Variants in HHIPL1 observed in about 807,000 individuals in gnomAD.
The protein encoded by HHIPL1 is HHIP like 1.
In HHIPL1, 43 loss-of-function variants were observed where a neutral mutation model predicts 61.8. That is an observed-to-expected ratio of 0.70 (90% CI 0.55 to 0.90). The LOEUF (loss-of-function observed/expected upper bound fraction) is 0.90. Among genes scored for constraint, HHIPL1 ranks in the 40% least tolerant of loss-of-function variants. The pLI, the probability that HHIPL1 is intolerant of heterozygous loss-of-function variation, is 0.00. For missense variants in HHIPL1, 1,056 were observed against 1,157.7 expected, an observed-to-expected ratio of 0.91 and a Z score of 1.28; for synonymous variants, 482 against 515.8, an observed-to-expected ratio of 0.93 and a Z score of 0.89.
In HHIPL1 at chr14:99,678,676, A is replaced by C. The variant is rs1199920649; in HGVS notation, c.*3050A>C. ...AGAAAAGTAATAATATTCCCAAATA[A>C]GGAAGGGGTATAGGCTGTGAGCTGG... On this transcript the variant is annotated 3_prime_UTR_variant, in exon 9 of 9. Coordinates refer to ENST00000330710, the MANE Select transcript of HHIPL1 (RefSeq NM_001127258.3). The C allele has an allele frequency of 6.6e-6, 1 of 152,256 alleles. No homozygotes were observed. Among genetic ancestry groups the C allele is most frequent in the African/African-American group, 2.4e-5 (1 of 41,470 alleles). 9.4% of individuals were successfully genotyped at this position (152,256 alleles called of 1,614,324 possible).
At chr14:99,642,581 A>G (rs12886724), upstream of HHIPL1, among the ~76,000 whole-genome samples, 28,407 of 150,788 alleles carry the variant, frequency 0.19, 3,341 homozygotes, top group East Asian at 0.35. Context: ...GCTGGAGTGC[A>G]GTGGCGCAAT....
At chr14:99,628,581 C>CAAA in the HHIPL1 span, among the ~76,000 whole-genome samples, 1,063 of 53,564 alleles carry the variant, frequency 0.02, 23 homozygotes, top group African/African-American at 0.059. Context: ...AACTCCAACT[C>CAAA]AAAAAAAAAA....
At chr14:99,627,717 C>T in the HHIPL1 span, among the ~76,000 whole-genome samples, 90 of 152,278 alleles carry the variant, frequency 5.9e-4, no homozygotes, top group East Asian at 2.3e-3. This position sits in a 1 kb window ranked among gnomAD's most constrained non-coding sequence, Gnocchi z 4.4. Context: ...CACTGAGTTG[C>T]GGGGAGCACT....
At chr14:99,665,821 G>A (rs933726933) in intron 6 of HHIPL1, among the ~76,000 whole-genome samples, 6 of 152,096 alleles carry the variant, frequency 3.9e-5, no homozygotes, top group African/African-American at 7.2e-5. Context: ...TCGCTCTGTC[G>A]CCCAGGCTGG....
intron 3 of HHIPL1, among the ~76,000 whole-genome samples, chr14:99,657,754 CACAT>C (rs1229270649): frequency 1.3e-4 from 18 of 142,472 alleles, no homozygotes; most frequent in Admixed American, 2.0e-4. Flanking sequence ...CACACAAACA[CACAT>C]ACACACATGC....
the HHIPL1 span, among the ~76,000 whole-genome samples, chr14:99,619,180 G>A: frequency 1.2e-4 from 19 of 152,142 alleles, no homozygotes; most frequent in African/African-American, 3.9e-4. Flanking sequence ...GGCCGGGCAC[G>A]GTGGCTCACA....
the HHIPL1 span, among the ~76,000 whole-genome samples, chr14:99,634,087 G>A: frequency 2.0e-5 from 3 of 152,174 alleles, no homozygotes; most frequent in Admixed American, 6.5e-5. Flanking sequence ...GCAGAGGCGC[G>A]AGCACTCACA....
chr14:99,616,812 G>T, the HHIPL1 span, among the ~76,000 whole-genome samples: 2 of 152,136 alleles, frequency 1.3e-5, no homozygotes, highest in Non-Finnish European at 2.9e-5. Context: ...TTTAAAATCT[G>T]GGGGAAAAGG....
At chr14:99,670,792 A>G (rs1397125404) in intron 7 of HHIPL1, among the ~76,000 whole-genome samples, 1 of 152,052 alleles carries the variant, frequency 6.6e-6, no homozygotes, top group Non-Finnish European at 1.5e-5. Context: ...CCAAAAAACC[A>G]TTTCTAATGG....
rs2056384944 is a variant in HHIPL1 at position 99,675,739 on chromosome 14, G to A, written c.*113G>A. 3 of 1,101,772 alleles carry A rather than the reference G, an allele frequency of 2.7e-6. No individual in the cohort carries two copies. Among genetic ancestry groups the A allele is most frequent in the East Asian group, 2.7e-5 (1 of 37,320 alleles). The allele number at this position is 1,101,772 out of a possible 1,614,324, so 68.2% of individuals were successfully genotyped here. A position where few individuals can be genotyped will look rare whatever the true frequency, so the allele number is the denominator to read the frequency against. ...GTGTTCTAGAGTGAAGGGGGTGCGGGTGTGTGCTGTCCTGGGGACATGTGT... is the reference window on the plus strand; with the variant it reads ...GTGTTCTAGAGTGAAGGGGGTGCGGATGTGTGCTGTCCTGGGGACATGTGT... On this transcript the variant is annotated 3_prime_UTR_variant, in exon 9 of 9. Transcript: ENST00000330710. The surrounding 1 kb of genome is among the most constrained non-coding windows in gnomAD (Gnocchi z 5.4).
chr14:99,615,744 A>T, the HHIPL1 span, among the ~76,000 whole-genome samples: 1 of 152,134 alleles, frequency 6.6e-6, no homozygotes, highest in African/African-American at 2.4e-5. Context: ...AGAAAAAAAG[A>T]CATGAGATTC....
chr14:99,657,975 A>G (rs2056080402), intron 3 of HHIPL1, among the ~76,000 whole-genome samples: 1 of 152,150 alleles, frequency 6.6e-6, no homozygotes, highest in Non-Finnish European at 1.5e-5. Flanking sequence ...ACACACATAC[A>G]TACACACAGT....
chr14:99,647,561 A>T (rs1595146481), intron 1 of HHIPL1, among the ~76,000 whole-genome samples: 1 of 152,238 alleles, frequency 6.6e-6, no homozygotes, highest in South Asian at 2.1e-4. Context: ...AGGAGTGACC[A>T]CTAACACTTC....
the HHIPL1 span, among the ~76,000 whole-genome samples, chr14:99,628,600 A>G: frequency 1.3e-5 from 2 of 151,708 alleles, no homozygotes; most frequent in African/African-American, 2.4e-5. Context: ...AAAAAAAGAA[A>G]AAAAGAAAAA....
Position 99,659,448 on chromosome 14 carries a change from T to C in HHIPL1, c.1067T>C (p.Val356Ala). The C allele has an allele frequency of 6.7e-7, 1 of 1,494,390 alleles. No homozygotes were observed. Among genetic ancestry groups the C allele is most frequent in the Middle Eastern group, 1.8e-4 (1 of 5,644 alleles). 92.6% of individuals were successfully genotyped at this position (1,494,390 alleles called of 1,614,324 possible). ...CGCAGGTCGGCGCTGCTGGGCAAGG[T>C]GCTGCGCATCGACGTGGACCGTAAG... The part of the protein sequence containing the change: ...AQNKSALLGK[V>A]LRIDVDRKER... The change falls in exon 4 of 9, where the codon GTG (valine) becomes GCG (alanine). Residue 356 changes from valine (V) to alanine (A), a missense_variant. Transcript: ENST00000330710.
upstream of HHIPL1, among the ~76,000 whole-genome samples, chr14:99,643,543 C>A (rs972278839): frequency 1.3e-5 from 2 of 152,238 alleles, no homozygotes; most frequent in Non-Finnish European, 2.9e-5. Context: ...CTCTGTGTCA[C>A]TTCCACCTCT....
chr14:99,653,085 G>A (rs988632164), intron 2 of HHIPL1, among the ~76,000 whole-genome samples: 6 of 152,334 alleles, frequency 3.9e-5, no homozygotes, highest in African/African-American at 1.4e-4. Context: ...TGGCCTGTGA[G>A]GCCTGACATT....
At chr14:99,648,310 C>T (rs1342479389) in intron 1 of HHIPL1, among the ~76,000 whole-genome samples, 3 of 152,200 alleles carry the variant, frequency 2.0e-5, no homozygotes, top group Admixed American at 6.5e-5. Flanking sequence ...CTCCCAACAA[C>T]TCTATGAGGT....
In HHIPL1 at chr14:99,660,336, G is replaced by A. The variant is rs777882546; in HGVS notation, c.1432G>A (p.Gly478Ser). The A allele has an allele frequency of 1.9e-6, 3 of 1,614,102 alleles. No individual in the cohort carries two copies. Among genetic ancestry groups the A allele is most frequent in the African/African-American group, 2.7e-5 (2 of 75,038 alleles). ...PHTVGKSVTG[G>S]YVYRGCEYPN... ...CACGGTTGGCAAGTCGGTCACAGGG[G>A]GCTACGTGTACCGGGGCTGCGAGTA... is the stretch of plus-strand genomic sequence containing the variant. The change falls in exon 5 of 9, where the codon GGC becomes AGC. Residue 478 changes from glycine (G) to serine (S), a missense_variant. Gly to Ser is a moderately conservative substitution (Grantham distance 56, BLOSUM62 0). Transcript: ENST00000330710. The surrounding 1 kb of genome is among the most constrained non-coding windows in gnomAD (Gnocchi z 4.9).
Sources: gnomAD v4.1 joint callset for allele counts (sites outside exome capture counted in the v4.1 genomes callset) on GRCh38, gnomAD v4.1.1 for gene constraint, Gnocchi (gnomAD v3.1) non-coding constraint, MANE v1.5 for transcripts, NCBI Gene and HGNC (gene_info 2026-07-23, HGNC 2026-07-21) for gene names.